The following AFF1 variants were observed in gnomAD, a reference collection of about 807,000 sequenced individuals.
The protein encoded by AFF1 is ALF transcription elongation factor 1.
Under a neutral mutation model 121.7 loss-of-function variants are expected in AFF1, and 48 were observed. The observed-to-expected ratio is 0.39, with a 90% CI of 0.31 to 0.50. AFF1 has a LOEUF of 0.50. AFF1 is among the 20% of genes least tolerant of loss of function. The pLI is 0.76. For synonymous variants in AFF1, 613 were observed against 563.0 expected, an observed-to-expected ratio of 1.09 and a Z score of -1.26; for missense variants, 1,523 against 1,511.7, an observed-to-expected ratio of 1.01 and a Z score of -0.12.
At chr4:86,991,381 C>T (rs928709485) in intron 2 of AFF1, among the ~76,000 whole-genome samples, 5 of 151,600 alleles carry the variant, frequency 3.3e-5, no homozygotes, top group African/African-American at 1.2e-4. Context: ...GGAGGCGGAC[C>T]TTGCAGTGAG....
chr4:86,996,092 G>A (rs948344839), intron 2 of AFF1, among the ~76,000 whole-genome samples: 2 of 151,612 alleles, frequency 1.3e-5, no homozygotes, highest in African/African-American at 4.9e-5. Flanking sequence ...CCTCGTCTGG[G>A]AGGGAGGTGG....
intron 2 of AFF1, among the ~76,000 whole-genome samples, chr4:86,995,411 GCCTGATTCT>G (rs2149511609): frequency 6.7e-6 from 1 of 150,090 alleles, no homozygotes; most frequent in African/African-American, 2.5e-5. Context: ...CAACCTCCCT[GCCTGATTCT>G]CCTGCCTCAG....
intron 12 of AFF1, among the ~76,000 whole-genome samples, chr4:87,120,690 G>A (rs183206058): frequency 4.6e-5 from 7 of 152,272 alleles, no homozygotes; most frequent in East Asian, 1.9e-4. Context: ...GTTCCTCCAC[G>A]GCCCCCACCA....
chr4:87,047,323 A>C lies in AFF1; in HGVS notation c.788A>C (p.Lys263Thr). ...GACCTAGCAGTGAAAGTCCATGATAAAGAGACCCCTCAAGACAGTTTGGTG... is the reference window on the plus strand; with the variant it reads ...GACCTAGCAGTGAAAGTCCATGATACAGAGACCCCTCAAGACAGTTTGGTG... ...PKDLAVKVHD[K>T]ETPQDSLVAP... The change falls in exon 4 of 21, where the codon AAA (lysine) becomes ACA (threonine). Residue 263 changes from lysine to threonine, a missense_variant. Physicochemically the swap from Lys to Thr is moderately conservative, Grantham distance 78 (BLOSUM62 -1). This residue lies in a region of AFF1 where 369 missense variants were observed against 367.2 expected (regional missense o/e 1.00). Transcript: ENST00000395146. 1 of 1,614,088 alleles carries C rather than the reference A, an allele frequency of 6.2e-7. No homozygotes were observed. The highest frequency in any genetic ancestry group is 8.5e-7 in the Non-Finnish European group (1 of 1,180,022).
chr4:86,942,067 C>T (rs1478318831), intron 1 of AFF1, among the ~76,000 whole-genome samples: 1 of 151,972 alleles, frequency 6.6e-6, no homozygotes, highest in East Asian at 1.9e-4. Context: ...GTAAGTGCTA[C>T]ATAAATGTTT....
intron 4 of AFF1, among the ~76,000 whole-genome samples, chr4:87,076,901 ACT>A (rs1290210873): frequency 1.3e-5 from 2 of 152,104 alleles, no homozygotes; most frequent in African/African-American, 4.8e-5. Flanking sequence ...TATGTAATTT[ACT>A]CTGTGTCTAT....
chr4:87,081,998 G>T (rs1041833984), intron 4 of AFF1, among the ~76,000 whole-genome samples: 2 of 152,122 alleles, frequency 1.3e-5, no homozygotes, highest in Non-Finnish European at 2.9e-5. Context: ...AAGTCTTTCA[G>T]TCTCTTGAAG....
intron 2 of AFF1, among the ~76,000 whole-genome samples, chr4:86,952,753 A>T (rs1490819506): frequency 7.1e-6 from 1 of 141,436 alleles, no homozygotes; most frequent in East Asian, 2.1e-4. Context: ...CAGTGGCGTG[A>T]TCTTGGCCCC....
intron 2 of AFF1, among the ~76,000 whole-genome samples, chr4:86,977,517 A>G (rs1723390526): frequency 6.6e-6 from 1 of 152,088 alleles, no homozygotes; most frequent in South Asian, 2.1e-4. Flanking sequence ...GTGTGTTAGG[A>G]GGGGGCTGGA....
At chr4:87,130,998 A>T in intron 16 of AFF1, 85 bp from the exon 17 acceptor site, 1 of 1,529,384 alleles carries the variant, frequency 6.5e-7, no homozygotes, top group Non-Finnish European at 8.9e-7. Flanking sequence ...AAGACAGTGG[A>T]GGAAAGTCAC....
At chr4:87,125,282 G>GT (rs2149789878) in intron 13 of AFF1, 139 bp downstream of exon 13, 1 of 526,300 alleles carries the variant, frequency 1.9e-6, no homozygotes, top group South Asian at 6.9e-5. Context: ...TAATAAGTTT[G>GT]TTTTTCTTTC....
At chr4:86,970,200 A>G (rs373918596) in intron 2 of AFF1, among the ~76,000 whole-genome samples, 3 of 152,124 alleles carry the variant, frequency 2.0e-5, no homozygotes, top group African/African-American at 7.2e-5. Flanking sequence ...TTAAGATATT[A>G]AAGTGGGCCA....
intron 2 of AFF1, among the ~76,000 whole-genome samples, chr4:87,042,663 G>A (rs1298689926): frequency 1.3e-5 from 2 of 152,166 alleles, no homozygotes; most frequent in African/African-American, 4.8e-5. Context: ...CATGTCTGCC[G>A]ATAAAATCTT....
intron 2 of AFF1, among the ~76,000 whole-genome samples, chr4:87,033,017 G>T (rs370966053): frequency 9.2e-5 from 14 of 152,114 alleles, no homozygotes; most frequent in Non-Finnish European, 8.8e-5. Flanking sequence ...GGGCATGATG[G>T]TGCATGCCTG....
intron 4 of AFF1, among the ~76,000 whole-genome samples, chr4:87,056,097 T>C (rs907409406): frequency 2.6e-5 from 4 of 152,136 alleles, no homozygotes; most frequent in South Asian, 2.1e-4. Context: ...ATTTTTTTTT[T>C]CCTAACCCCG....
At chr4:87,016,293 T>G (rs1727290422) in intron 2 of AFF1, among the ~76,000 whole-genome samples, 2 of 152,162 alleles carry the variant, frequency 1.3e-5, no homozygotes, top group South Asian at 4.1e-4. Context: ...TTTATGGGTA[T>G]TTCTTCCCAG....
At chr4:86,950,632 ACTT>A (rs763793219) in intron 2 of AFF1, among the ~76,000 whole-genome samples, 9 of 152,132 alleles carry the variant, frequency 5.9e-5, no homozygotes, top group Non-Finnish European at 1.0e-4. Context: ...ATGTTCTCCT[ACTT>A]CTCCCCCTTT....
chr4:87,017,806 G>A (rs1017742444), intron 2 of AFF1, among the ~76,000 whole-genome samples: 2 of 152,112 alleles, frequency 1.3e-5, no homozygotes, highest in African/African-American at 2.4e-5. Flanking sequence ...CCTTGATGGT[G>A]TACTCCGACT....
intron 7 of AFF1, among the ~76,000 whole-genome samples, chr4:87,092,143 C>CAAAAA (rs1724379726): frequency 6.6e-6 from 1 of 152,090 alleles, no homozygotes; most frequent in South Asian, 2.1e-4. Flanking sequence ...ATTAGCTGGG[C>CAAAAA]TTGGAGTCAT....
Sources: gnomAD v4.1 joint callset for allele counts (sites outside exome capture counted in the v4.1 genomes callset) on GRCh38, gnomAD v4.1.1 for gene constraint, gnomAD v4.1.1 regional missense constraint, MANE v1.5 for transcripts, NCBI Gene and HGNC (gene_info 2026-07-23, HGNC 2026-07-21) for gene names.